SLC41A2: variants seen among roughly 807,000 people sequenced by gnomAD.
SLC41A2 encodes the protein SLC41A1-like 1.
In SLC41A2, 32 loss-of-function variants were observed where a neutral mutation model predicts 58.3. The observed-to-expected ratio is 0.55, with a 90% CI of 0.41 to 0.74. The LOEUF is 0.74. Among genes scored for constraint, SLC41A2 ranks in the 30% least tolerant of loss-of-function variants. The probability of loss-of-function intolerance (pLI) is 0.00; values close to 1 mark genes in which losing one functional copy is unlikely to be tolerated. For missense variants in SLC41A2, 514 were observed against 680.6 expected (o/e 0.76, Z 2.72); for synonymous variants, 190 against 235.0 (o/e 0.81, Z 1.75).
intron 4 of SLC41A2, 41 bp downstream of exon 4, chr12:104,895,233 T>C (rs537663154): frequency 6.9e-7 from 1 of 1,456,734 alleles, no homozygotes; most frequent in African/African-American, 1.4e-5. Flanking sequence ...AGTCAAAATT[T>C]GTACACCCAA....
intron 1 of SLC41A2, among the ~76,000 whole-genome samples, chr12:104,945,040 G>T (rs897511230): frequency 6.6e-5 from 10 of 151,728 alleles, no homozygotes; most frequent in Non-Finnish European, 1.5e-4. Context: ...GCGTGGTGGT[G>T]CACACCTGTA....
At chr12:104,917,080 C>G (rs1443913738) in intron 2 of SLC41A2, among the ~76,000 whole-genome samples, 4 of 150,686 alleles carry the variant, frequency 2.7e-5, no homozygotes, top group Non-Finnish European at 3.0e-5. Flanking sequence ...ACTCATCTGA[C>G]AAAGGGCTAA....
chr12:104,903,357 C>G (rs2045651683), intron 3 of SLC41A2, among the ~76,000 whole-genome samples: 1 of 152,240 alleles, frequency 6.6e-6, no homozygotes, highest in African/African-American at 2.4e-5. Flanking sequence ...CGTACATAAT[C>G]TGGCCTCTGG....
At chr12:104,958,309 C>G (rs930089398), upstream of SLC41A2, 4 of 149,156 alleles carry the variant, frequency 2.7e-5, no homozygotes, top group African/African-American at 9.7e-5. Flanking sequence ...CGTCGGCGCC[C>G]GCGGCCCCCT....
intron 5 of SLC41A2, among the ~76,000 whole-genome samples, chr12:104,887,941 T>C (rs1214811778): frequency 1.3e-5 from 2 of 152,022 alleles, no homozygotes; most frequent in African/African-American, 2.4e-5. Flanking sequence ...TTTAAACAAA[T>C]ACTTTTTAAA....
At chr12:104,889,519 C>G (rs1361668109) in intron 4 of SLC41A2, among the ~76,000 whole-genome samples, 2 of 152,132 alleles carry the variant, frequency 1.3e-5, no homozygotes, top group Non-Finnish European at 2.9e-5. Flanking sequence ...AAGTCTGACT[C>G]TAGAGGTAGT....
chr12:104,946,590 G>C (rs1379968597), intron 1 of SLC41A2, among the ~76,000 whole-genome samples: 4 of 152,042 alleles, frequency 2.6e-5, no homozygotes, highest in Non-Finnish European at 4.4e-5. Context: ...CATTTTAAAA[G>C]GAGAATACTA....
intron 8 of SLC41A2, among the ~76,000 whole-genome samples, chr12:104,847,170 A>G (rs371976111): frequency 3.2e-4 from 48 of 152,178 alleles, no homozygotes; most frequent in African/African-American, 1.1e-3. Context: ...AATTAAAAGT[A>G]AAAATATGGG....
At chr12:104,812,383 G>GTTA (rs887529587) in intron 10 of SLC41A2, among the ~76,000 whole-genome samples, 7 of 152,134 alleles carry the variant, frequency 4.6e-5, no homozygotes, top group African/African-American at 1.7e-4. Context: ...TTAAAAACAG[G>GTTA]TTATTTATGA....
At chr12:104,949,032 A>G (rs1327499809) in intron 1 of SLC41A2, among the ~76,000 whole-genome samples, 6 of 152,104 alleles carry the variant, frequency 3.9e-5, no homozygotes, top group Non-Finnish European at 7.4e-5. Flanking sequence ...CCTGATCAAC[A>G]TGGAAAAACC....
chr12:104,945,032 G>T (rs151219034), intron 1 of SLC41A2, among the ~76,000 whole-genome samples: 1 of 151,726 alleles, frequency 6.6e-6, no homozygotes, highest in Non-Finnish European at 1.5e-5. Context: ...TTAGGCAGGC[G>T]TGGTGGTGCA....
chr12:104,890,973 G>A (rs2044933910), intron 4 of SLC41A2, among the ~76,000 whole-genome samples: 1 of 152,120 alleles, frequency 6.6e-6, no homozygotes, highest in Non-Finnish European at 1.5e-5. Context: ...CCAGGCAGAG[G>A]AGGCTTGTGC....
intron 1 of SLC41A2, among the ~76,000 whole-genome samples, chr12:104,953,823 C>T (rs1245714967): frequency 1.3e-5 from 2 of 152,162 alleles, no homozygotes; most frequent in Non-Finnish European, 2.9e-5. Flanking sequence ...GTAACTAGCA[C>T]ACTTGAAAGC....
intron 6 of SLC41A2, among the ~76,000 whole-genome samples, chr12:104,872,044 G>A (rs2043806418): frequency 6.6e-6 from 1 of 151,996 alleles, no homozygotes; most frequent in Non-Finnish European, 1.5e-5. Context: ...TGGCCTTGAT[G>A]GGAAGAAGAG....
At chr12:104,812,774 T>C (rs186211508) in intron 10 of SLC41A2, among the ~76,000 whole-genome samples, 4 of 151,958 alleles carry the variant, frequency 2.6e-5, no homozygotes, top group Non-Finnish European at 4.4e-5. Context: ...GTCTCCATGA[T>C]AAAGGCAAGT....
intron 2 of SLC41A2, among the ~76,000 whole-genome samples, chr12:104,917,833 A>C (rs1194726921): frequency 7.4e-4 from 1 of 1,348 alleles, no homozygotes; most frequent in African/African-American, 2.3e-3. Context: ...GGGTGGGGGG[A>C]GGGGGGACGG....
intron 3 of SLC41A2, among the ~76,000 whole-genome samples, chr12:104,901,294 GA>G (rs2045547874): frequency 6.6e-6 from 1 of 151,280 alleles, no homozygotes; most frequent in African/African-American, 2.4e-5. Context: ...TCAAACAATA[GA>G]AAAACTCAAC....
Position 104,803,775 on chromosome 12 carries a change from C to T in SLC41A2, c.*1377G>A, listed in dbSNP as rs1205403253. 6.6e-6 allele frequency: 1 copy of T among 151,822 alleles called. No individual in the cohort carries two copies. The highest frequency in any genetic ancestry group is 1.5e-5 in the Non-Finnish European group (1 of 67,978). 9.4% of individuals were successfully genotyped at this position (151,822 alleles called of 1,614,324 possible). ...AGAAATATAGTATATATGATTGGGT[C>T]CCACGTAGAAATAAGCCTGTACAAA... On this transcript the variant is annotated 3_prime_UTR_variant, in exon 11 of 11. Transcript: ENST00000258538.
intron 3 of SLC41A2, among the ~76,000 whole-genome samples, chr12:104,899,746 G>A (rs916707789): frequency 6.6e-6 from 1 of 152,064 alleles, no homozygotes; most frequent in Admixed American, 6.6e-5. Context: ...GATAATCCAA[G>A]CCACTAAAAC....
Sources: allele counts gnomAD v4.1 joint callset (sites outside exome capture counted in the v4.1 genomes callset), GRCh38; gene constraint gnomAD v4.1.1; transcripts MANE v1.5; gene names NCBI Gene and HGNC (gene_info 2026-07-23, HGNC 2026-07-21).